Variants in DLG3 observed in about 807,000 individuals in gnomAD.
DLG3 encodes the protein discs large MAGUK scaffold protein 3, also known as disks large homolog 3.
A neutral mutation model predicts 64.1 loss-of-function variants in DLG3; 1 was observed. That is an observed-to-expected ratio of 0.02 (90% CI 0.01 to 0.07). DLG3 has a LOEUF of 0.07. Ranked by LOEUF, DLG3 falls within the 10% of genes least tolerant of loss-of-function variation. The pLI is 1.00. For missense variants in DLG3, 429 were observed against 669.5 expected (o/e 0.64, Z 3.96); for synonymous variants, 245 against 259.8 (o/e 0.94, Z 0.55).
At chrX:70,461,574 CTTT>C (rs66468617) in intron 9 of DLG3, among the ~76,000 whole-genome samples, 1 of 100,924 alleles carries the variant, frequency 9.9e-6, no homozygotes, top group Admixed American at 1.1e-4. Flanking sequence ...AGGGCCCCCC[CTTT>C]TTTTTTTTTT....
Position 70,500,531 on chromosome X carries a change from C to A in DLG3, c.2206C>A (p.Leu736Ile), listed in dbSNP as rs769297189. ...TATCAAGAGACTGCAGCAAGCACAA[C>A]TTTACCCCATTGCCATTTTCATCAA... The part of the protein sequence containing the change: ...NAIKRLQQAQ[L>I]YPIAIFIKPK... The change falls in exon 17 of 19, where the codon CTT becomes ATT. Residue 736 changes from leucine to isoleucine, a missense_variant. This residue lies in a region of DLG3 where 48 missense variants were observed against 69.5 expected (regional missense o/e 0.69). Coordinates refer to ENST00000374360, the MANE Select transcript of DLG3 (RefSeq NM_021120.4). 1.7e-6 allele frequency: 2 copies of A among 1,209,000 alleles called. No individual in the cohort carries two copies. Among genetic ancestry groups the A allele is most frequent in the African/African-American group, 3.5e-5 (2 of 56,986 alleles).
At chrX:70,449,322 G>C (rs745382067) in intron 2 of DLG3, 37 bp from the exon 3 acceptor site, 19 of 1,211,112 alleles carry the variant, frequency 1.6e-5, no homozygotes, top group Non-Finnish European at 1.9e-5. Context: ...TGTGCCCTCA[G>C]AGTGAACAGA....
At chrX:70,463,709 G>C (rs764264587) in intron 9 of DLG3, among the ~76,000 whole-genome samples, 5 of 111,761 alleles carry the variant, frequency 4.5e-5, no homozygotes, top group African/African-American at 1.6e-4. Flanking sequence ...ACTTAGAGTA[G>C]CTGAATGATC....
At chrX:70,501,409 C>CTCTGTGTGTGTGTGTG (rs2087557824) in intron 18 of DLG3, among the ~76,000 whole-genome samples, 2 of 75,166 alleles carry the variant, frequency 2.7e-5, no homozygotes, top group South Asian at 1.1e-3. Context: ...GTCTGTCTGT[C>CTCTGTGTGTGTGTGTG]TGTCTGTGTG....
At chrX:70,458,906 T>G (rs1295038895) in intron 9 of DLG3, among the ~76,000 whole-genome samples, 2 of 112,555 alleles carry the variant, frequency 1.8e-5, no homozygotes, top group East Asian at 2.8e-4. Flanking sequence ...AATTGAAAAT[T>G]TAAACAACTG....
chrX:70,450,092 G>T, intron 4 of DLG3, 77 bp from the exon 5 acceptor site: 1 of 1,167,381 alleles, frequency 8.6e-7, no homozygotes, highest in Non-Finnish European at 1.2e-6. Flanking sequence ...GCTGGGGGAG[G>T]GGGTTTGGAT....
At chrX:70,473,429 C>T (rs1014897639) in intron 9 of DLG3, among the ~76,000 whole-genome samples, 6 of 110,919 alleles carry the variant, frequency 5.4e-5, no homozygotes, top group African/African-American at 2.0e-4. Flanking sequence ...TTAAGTCACC[C>T]TATTAGTCTC....
Position 70,453,646 on chromosome X carries a change from C to T in DLG3, c.1155C>T (p.Arg385=). ...ACTCCTTTCCCACCAGAGAGCCTCG[C>T]AAGATCATCCTGCACAAAGGCTCCA... ...LAEEDFTREP[R]KIILHKGSTG... is the part of the protein sequence containing the mutation. Residue 385 remains arginine (R), a synonymous_variant, in exon 8 of 19, where the codon CGC becomes CGT. Coordinates refer to ENST00000374360, the MANE Select transcript of DLG3 (RefSeq NM_021120.4). 1.7e-6 allele frequency: 2 copies of T among 1,209,499 alleles called. No homozygotes were observed. The highest frequency in any genetic ancestry group is 2.3e-4 in the Middle Eastern group (1 of 4,274).
intron 9 of DLG3, among the ~76,000 whole-genome samples, chrX:70,466,036 T>C (rs1240132179): frequency 9.0e-6 from 1 of 111,447 alleles, no homozygotes; most frequent in Non-Finnish European, 1.9e-5. Flanking sequence ...ATACTTAAGG[T>C]TTTTGATGTA....
intron 7 of DLG3, chrX:70,452,669 G>C (rs199928682): frequency 2.9e-3 from 3,462 of 1,200,188 alleles, no homozygotes; most frequent in Non-Finnish European, 3.6e-3. Context: ...CCATGGGCTT[G>C]GGCTCCGCCT....
chrX:70,482,697 G>A (rs1312445261), intron 10 of DLG3, among the ~76,000 whole-genome samples: 6 of 69,868 alleles, frequency 8.6e-5, no homozygotes, highest in African/African-American at 9.9e-5. Context: ...ACGGAGTCTC[G>A]CTCTGTCGCC....
At position 70,479,317 on chromosome X, in the gene DLG3, G is replaced by A. The variant is rs2087113150; in HGVS notation, c.1520+53G>A. The A allele has an allele frequency of 7.7e-6, 7 of 913,572 alleles. No homozygotes were observed. In the South Asian group the frequency reaches 7.9e-5, roughly 10 times the overall value. The allele number at this position is 913,572 out of a possible 1,213,427, so 75.3% of individuals were successfully genotyped here. On this transcript the variant is annotated intron_variant, in intron 10 of 18. Transcript: ENST00000374360. ...TTGTGCTGGACGAGGAGAGCTCCATGCCAACCCAGCCCTTCTTATTTAACT... is the reference window on the plus strand; with the variant it reads ...TTGTGCTGGACGAGGAGAGCTCCATACCAACCCAGCCCTTCTTATTTAACT...
At chrX:70,462,039 A>AC (rs2086809872) in intron 9 of DLG3, among the ~76,000 whole-genome samples, 1 of 84,073 alleles carries the variant, frequency 1.2e-5, no homozygotes, top group African/African-American at 4.3e-5. Context: ...ATCACTCCTC[A>AC]TCCCCCCCCC....
At chrX:70,468,723 A>G (rs775665839) in intron 9 of DLG3, among the ~76,000 whole-genome samples, 13 of 111,824 alleles carry the variant, frequency 1.2e-4, no homozygotes, top group African/African-American at 3.9e-4. Context: ...GCCCTCTCAC[A>G]TAGCCTTGAG....
chrX:70,502,423 TC>T lies in DLG3; in HGVS notation c.*155del. 2.2e-6 allele frequency: 1 copy of T among 450,353 alleles called. No individual in the cohort carries two copies. The highest frequency in any genetic ancestry group is 3.8e-6 in the Non-Finnish European group (1 of 260,219). The allele number at this position is 450,353 out of a possible 1,213,427, so 37.1% of individuals were successfully genotyped here. Reference sequence around the variant, plus strand: ...AAAAAATTAAGTTTTCTAGTCCTGTTCTTTTTTTTTTTTTAAGTTTTTGTTT... The same window carrying T: ...AAAAAATTAAGTTTTCTAGTCCTGTTTTTTTTTTTTTTTAAGTTTTTGTTT... On this transcript the variant is annotated 3_prime_UTR_variant, in exon 19 of 19. Transcript: ENST00000374360.
chrX:70,453,908 T>C, intron 8 of DLG3, 115 bp downstream of exon 8: 1 of 741,955 alleles, frequency 1.3e-6, no homozygotes, highest in Non-Finnish European at 1.9e-6. Flanking sequence ...GGCTAAGGAC[T>C]GGAGAAAACT....
At chrX:70,468,100 C>T (rs1255895456) in intron 9 of DLG3, among the ~76,000 whole-genome samples, 1 of 111,377 alleles carries the variant, frequency 9.0e-6, no homozygotes, top group Middle Eastern at 4.6e-3. Context: ...GATGGAGTCT[C>T]ACTCTGTCGC....
At chrX:70,463,824 A>G (rs911034983) in intron 9 of DLG3, among the ~76,000 whole-genome samples, 4 of 111,234 alleles carry the variant, frequency 3.6e-5, no homozygotes, top group African/African-American at 1.3e-4. Flanking sequence ...TGTGTCAGAT[A>G]AGTGGTAGTG....
intron 1 of DLG3, among the ~76,000 whole-genome samples, chrX:70,446,431 G>A (rs1011075511): frequency 4.4e-4 from 48 of 109,456 alleles, no homozygotes; most frequent in Non-Finnish European, 5.7e-4. Context: ...GTGGGGTGGC[G>A]GGGGGCGGGG....
Sources: gnomAD v4.1 joint callset for allele counts (sites outside exome capture counted in the v4.1 genomes callset) on GRCh38, gnomAD v4.1.1 for gene constraint, gnomAD v4.1.1 regional missense constraint, MANE v1.5 for transcripts, NCBI Gene and HGNC (gene_info 2026-07-23, HGNC 2026-07-21) for gene names.